The following AIG1 variants were observed in gnomAD, a reference collection of about 807,000 sequenced individuals.
AIG1 encodes androgen induced 1.
Under a neutral mutation model 31.4 loss-of-function variants are expected in AIG1, and 23 were observed. That is an observed-to-expected ratio of 0.73 (90% CI 0.53 to 1.04). AIG1 has a LOEUF of 1.04. Among genes scored for constraint, AIG1 ranks in the 50% least tolerant of loss-of-function variants. The probability of loss-of-function intolerance (pLI) is 0.00; values close to 1 mark genes in which losing one functional copy is unlikely to be tolerated. For synonymous variants in AIG1, 100 were observed against 110.5 expected (o/e 0.90, Z 0.60); for missense variants, 274 against 295.0 (o/e 0.93, Z 0.52).
intron 2 of AIG1, among the ~76,000 whole-genome samples, chr6:143,159,426 A>T (rs908949622): frequency 6.6e-6 from 1 of 152,208 alleles, no homozygotes; most frequent in African/African-American, 2.4e-5. Context: ...CAAAATGATG[A>T]TAGTTAAAAC....
intron 1 of AIG1, among the ~76,000 whole-genome samples, chr6:143,096,966 T>C (rs1023318853): frequency 6.6e-5 from 10 of 152,154 alleles, no homozygotes; most frequent in Admixed American, 5.9e-4. Context: ...TTTTTCTATA[T>C]ATTAGCACAA....
intron 3 of AIG1, among the ~76,000 whole-genome samples, chr6:143,206,731 C>G (rs970743321): frequency 6.6e-6 from 1 of 152,056 alleles, no homozygotes; most frequent in African/African-American, 2.4e-5. Flanking sequence ...TTTTCTGTAA[C>G]CAAATTTTAT....
intron 3 of AIG1, among the ~76,000 whole-genome samples, chr6:143,282,429 C>T (rs10484580): frequency 0.07 from 10,677 of 152,094 alleles, 716 homozygotes; most frequent in East Asian, 0.34. Flanking sequence ...AAACTGTTGG[C>T]GACATTCCAG....
chr6:143,343,322 A>C, downstream of AIG1: 1 of 608,494 alleles, frequency 1.6e-6, no homozygotes, highest in Non-Finnish European at 3.2e-6. Context: ...GGGAGCCTCT[A>C]GTGAAAATCT....
intron 3 of AIG1, among the ~76,000 whole-genome samples, chr6:143,186,287 G>T (rs6941200): frequency 3.5e-4 from 53 of 152,238 alleles, no homozygotes; most frequent in African/African-American, 1.1e-3. Context: ...TGGCATTTTT[G>T]ATTATTTTCC....
intron 2 of AIG1, among the ~76,000 whole-genome samples, chr6:143,154,910 T>C (rs1388828262): frequency 6.7e-6 from 1 of 149,368 alleles, no homozygotes; most frequent in Non-Finnish European, 1.5e-5. Context: ...TGCAGCGGTG[T>C]GATCTCGGTG....
chr6:143,268,507 T>C lies in AIG1; in HGVS notation c.400-15603T>C, dbSNP rs1422522344. ...TTATATGTCAAGGAGGCTTATTAGC[T>C]GTGCATGACCATATATAAAATTACA... On this transcript the variant is annotated intron_variant, in intron 3 of 5. Transcript: ENST00000357847. The surrounding 1 kb of genome is among the most constrained non-coding windows in gnomAD (Gnocchi z 5.0). 6.6e-6 allele frequency among the ~76,000 whole-genome samples: 1 copy of C among 152,200 alleles called. No individual in the cohort carries two copies. Among genetic ancestry groups the C allele is most frequent in the Non-Finnish European group, 1.5e-5 (1 of 68,034 alleles).
upstream of AIG1, chr6:143,060,559 G>A (rs1776126342): frequency 2.8e-6 from 1 of 354,614 alleles, no homozygotes; most frequent in Non-Finnish European, 6.2e-6. Context: ...AGCCCTCGTA[G>A]CACTCAGAGG....
chr6:143,097,736 C>G lies in AIG1; in HGVS notation c.141+36670C>G, dbSNP rs541660021. Among the ~76,000 whole-genome samples, 4 of 152,284 alleles carry G rather than the reference C, an allele frequency of 2.6e-5. No homozygotes were observed. In the East Asian group the frequency reaches 5.8e-4, roughly 22 times the overall value. On this transcript the variant is annotated intron_variant, in intron 1 of 5. Transcript: ENST00000357847. ...ACTCAGAGAGCAATCTTCATATTAG[C>G]CAAAGGGCATGGTGACCTTGCTGCT...
At chr6:143,111,823 C>A (rs1016713969) in intron 1 of AIG1, among the ~76,000 whole-genome samples, 24 of 152,158 alleles carry the variant, frequency 1.6e-4, no homozygotes, top group African/African-American at 5.6e-4. Flanking sequence ...GTGAAAACAT[C>A]CAACTCGTCT....
chr6:143,240,943 T>A (rs951125774), intron 3 of AIG1, among the ~76,000 whole-genome samples: 5 of 152,192 alleles, frequency 3.3e-5, no homozygotes, highest in Non-Finnish European at 5.9e-5. Flanking sequence ...ACTCCTCAGA[T>A]GGAAATGATA....
At chr6:143,103,726 C>G (rs1780544470) in intron 1 of AIG1, among the ~76,000 whole-genome samples, 1 of 151,824 alleles carries the variant, frequency 6.6e-6, no homozygotes. Context: ...CCGGGATGGT[C>G]TCGATCTCCT....
intron 3 of AIG1, among the ~76,000 whole-genome samples, chr6:143,267,128 T>C (rs1796211741): frequency 6.6e-6 from 1 of 152,190 alleles, no homozygotes; most frequent in African/African-American, 2.4e-5. Context: ...CAAACATCTT[T>C]GTTCAAATTC....
At chr6:143,254,445 C>T (rs1355728063) in intron 3 of AIG1, among the ~76,000 whole-genome samples, 2 of 152,078 alleles carry the variant, frequency 1.3e-5, no homozygotes, top group African/African-American at 4.8e-5. Flanking sequence ...GATCCCACCG[C>T]GAGGCAAAGT....
chr6:143,109,250 T>G (rs1201246141), intron 1 of AIG1, among the ~76,000 whole-genome samples: 2 of 152,242 alleles, frequency 1.3e-5, no homozygotes, highest in Non-Finnish European at 1.5e-5. Context: ...TTTGTATGTT[T>G]TAAAATTTAT....
chr6:143,227,834 G>A (rs1039849604), intron 3 of AIG1, among the ~76,000 whole-genome samples: 1 of 152,146 alleles, frequency 6.6e-6, no homozygotes. Context: ...TCGAAGGACC[G>A]AGCTGCAGGA....
intron 3 of AIG1, among the ~76,000 whole-genome samples, chr6:143,220,406 G>A (rs1792385481): frequency 6.6e-6 from 1 of 152,144 alleles, no homozygotes; most frequent in South Asian, 2.1e-4. Flanking sequence ...ATCCAGAAAA[G>A]TGCCTGGTCC....
intron 4 of AIG1, among the ~76,000 whole-genome samples, chr6:143,318,937 C>G (rs1775981004): frequency 6.6e-6 from 1 of 152,130 alleles, no homozygotes; most frequent in Admixed American, 6.5e-5. Flanking sequence ...TACCACCTTA[C>G]TCCTGCAAGA....
At chr6:143,322,615 AG>A (rs1234704478) in intron 4 of AIG1, among the ~76,000 whole-genome samples, 2 of 152,246 alleles carry the variant, frequency 1.3e-5, no homozygotes, top group African/African-American at 2.4e-5. Context: ...CCATAAAACC[AG>A]GTAGACTTTA....
Sources: gnomAD v4.1 joint callset for allele counts (sites outside exome capture counted in the v4.1 genomes callset) on GRCh38, gnomAD v4.1.1 for gene constraint, Gnocchi (gnomAD v3.1) non-coding constraint, MANE v1.5 for transcripts, NCBI Gene and HGNC (gene_info 2026-07-23, HGNC 2026-07-21) for gene names.